Variants in CHN2 observed in about 807,000 individuals in gnomAD.
CHN2 encodes the protein beta-chimaerin.
In CHN2, 35 loss-of-function variants were observed where a neutral mutation model predicts 56.3. The ratio of observed to expected loss-of-function variants is 0.62; its 90% CI spans 0.47 to 0.82. The LOEUF (loss-of-function observed/expected upper bound fraction) is 0.82, where lower values mean the gene tolerates loss of function less well. Ranked by LOEUF, CHN2 falls within the 40% of genes least tolerant of loss-of-function variation. The probability of loss-of-function intolerance (pLI) is 0.00; values close to 1 mark genes in which losing one functional copy is unlikely to be tolerated. For synonymous variants in CHN2, 210 were observed against 212.8 expected (o/e 0.99, Z 0.12); for missense variants, 491 against 580.5 (o/e 0.85, Z 1.58).
At position 29,183,203 on chromosome 7, in the gene CHN2, G is replaced by GCCT. The variant is rs1798288183; in HGVS notation, c.274+36247_274+36249dup. 2.0e-5 allele frequency among the ~76,000 whole-genome samples: 3 copies of GCCT among 151,300 alleles called. No individual in the cohort carries two copies. The South Asian group carries it at 6.3e-4, about 32-fold the overall frequency. ...AGGTTCAAGCGATTCTCCTGCCTCA[G>GCCT]CCTCCTGAGTAGCTGGGGTTACAGG... On this transcript the variant is annotated intron_variant, in intron 2 of 6. Coordinates refer to the CHN2 transcript ENST00000439384.
intron 1 of CHN2, among the ~76,000 whole-genome samples, chr7:29,321,928 C>T (rs553727183): frequency 3.9e-5 from 6 of 152,280 alleles, no homozygotes; most frequent in South Asian, 2.1e-4. Context: ...CTTTGCAGAT[C>T]TTATGGATTA....
chr7:29,216,592 T>C (rs146491853), intron 1 of CHN2, among the ~76,000 whole-genome samples: 1 of 152,292 alleles, frequency 6.6e-6, no homozygotes, highest in African/African-American at 2.4e-5. Context: ...GGCTGAGCTC[T>C]TCTCTCTCCC....
exon 1 of CHN2, chr7:29,146,681 G>T (rs954216404): frequency 6.4e-7 from 1 of 1,550,578 alleles, no homozygotes; most frequent in Non-Finnish European, 8.7e-7. Context: ...CATGCTGGAA[G>T]AAGCAAGCAG....
At chr7:29,420,165 G>A (rs1349679771) in intron 6 of CHN2, among the ~76,000 whole-genome samples, 1 of 151,992 alleles carries the variant, frequency 6.6e-6, no homozygotes, top group Non-Finnish European at 1.5e-5. Context: ...CTTGTGCATT[G>A]CTGCTGAGAA....
chr7:29,435,444 A>G (rs1439759072), intron 6 of CHN2, among the ~76,000 whole-genome samples: 2 of 152,204 alleles, frequency 1.3e-5, no homozygotes, highest in African/African-American at 2.4e-5. Context: ...TGCAAACACC[A>G]TAGAGTGTAC....
chr7:29,258,201 G>A (rs1029946081), intron 1 of CHN2, among the ~76,000 whole-genome samples: 7 of 152,254 alleles, frequency 4.6e-5, no homozygotes, highest in South Asian at 4.1e-4. Flanking sequence ...TGGGTCTCTT[G>A]AGAGTGAAGG....
At chr7:29,400,872 C>A in intron 6 of CHN2, 44 bp downstream of exon 6, 2 of 1,586,178 alleles carry the variant, frequency 1.3e-6, no homozygotes, top group Non-Finnish European at 8.6e-7. Flanking sequence ...TTAATCCATG[C>A]CGCATCAACA....
chr7:29,459,693 C>T (rs849934), intron 6 of CHN2, among the ~76,000 whole-genome samples: 12,603 of 152,222 alleles, frequency 0.083, 624 homozygotes, highest in Admixed American at 0.14. Context: ...CCACCTTCAC[C>T]GCAGGCCAGG....
At chr7:29,498,826 A>G (rs1258417678) in intron 8 of CHN2, among the ~76,000 whole-genome samples, 3 of 139,434 alleles carry the variant, frequency 2.2e-5, no homozygotes, top group Non-Finnish European at 4.5e-5. Context: ...CGGTGGCGCA[A>G]TCTCAGCTTA....
chr7:29,204,529 A>G (rs939860473), intron 1 of CHN2, among the ~76,000 whole-genome samples: 1 of 152,178 alleles, frequency 6.6e-6, no homozygotes, highest in Non-Finnish European at 1.5e-5. Context: ...GGTAAATAAT[A>G]CTATTTTTGC....
intron 2 of CHN2, chr7:29,147,414 G>T: frequency 6.3e-6 from 1 of 158,216 alleles, no homozygotes. Flanking sequence ...GACAGTCAGG[G>T]GGAAAAATTG....
chr7:29,501,694 A>C (rs1273910009), intron 9 of CHN2, among the ~76,000 whole-genome samples: 1 of 152,172 alleles, frequency 6.6e-6, no homozygotes, highest in East Asian at 1.9e-4. Flanking sequence ...TAAGCATGCA[A>C]GCAGAACCAG....
chr7:29,500,795 G>A (rs920571746), intron 9 of CHN2, among the ~76,000 whole-genome samples: 43 of 152,160 alleles, frequency 2.8e-4, no homozygotes, highest in Admixed American at 5.9e-4. Context: ...CGTTTATTTC[G>A]AAGAGGAGAG....
intron 1 of CHN2, among the ~76,000 whole-genome samples, chr7:29,283,395 G>T (rs1256921050): frequency 4.6e-5 from 7 of 152,252 alleles, no homozygotes; most frequent in Non-Finnish European, 2.9e-5. Flanking sequence ...CCCTCGGTTG[G>T]TATACACGAT....
At chr7:29,216,679 G>A (rs979108807) in intron 1 of CHN2, among the ~76,000 whole-genome samples, 5 of 152,108 alleles carry the variant, frequency 3.3e-5, no homozygotes, top group African/African-American at 7.2e-5. Context: ...AGTGGAAACC[G>A]CTGATCTAGC....
intron 6 of CHN2, among the ~76,000 whole-genome samples, chr7:29,411,764 A>G (rs1285887082): frequency 6.6e-6 from 1 of 152,170 alleles, no homozygotes; most frequent in Non-Finnish European, 1.5e-5. Context: ...TGGAGAAAGT[A>G]GAGCCTGGAG....
intron 1 of CHN2, among the ~76,000 whole-genome samples, chr7:29,335,106 A>G (rs917892534): frequency 6.6e-6 from 1 of 152,226 alleles, no homozygotes; most frequent in African/African-American, 2.4e-5. Context: ...AAACATTTCA[A>G]TAGTGGTCAA....
intron 1 of CHN2, among the ~76,000 whole-genome samples, chr7:29,250,732 G>T (rs1321020511): frequency 6.8e-6 from 1 of 146,248 alleles, no homozygotes; most frequent in Middle Eastern, 3.6e-3. Flanking sequence ...TTTTTTTGAG[G>T]CAGAGTCTTC....
At chr7:29,148,702 C>T (rs1793122631) in intron 2 of CHN2, 1 of 152,188 alleles carries the variant, frequency 6.6e-6, no homozygotes. Flanking sequence ...GTGTCAGGTT[C>T]TGTGCTAGAC....
Sources: allele counts gnomAD v4.1 joint callset (sites outside exome capture counted in the v4.1 genomes callset), GRCh38; gene constraint gnomAD v4.1.1; transcripts MANE v1.5; gene names NCBI Gene and HGNC (gene_info 2026-07-23, HGNC 2026-07-21).